Variants in GPHN observed in about 807,000 individuals in gnomAD.
GPHN encodes gephyrin.
In GPHN, 17 loss-of-function variants were observed where a neutral mutation model predicts 95.5. That is an observed-to-expected ratio of 0.18 (90% CI 0.12 to 0.27). GPHN has a LOEUF of 0.27. GPHN is among the 10% of genes least tolerant of loss of function. GPHN has a pLI of 1.00. For synonymous variants in GPHN, 320 were observed against 322.5 expected, an observed-to-expected ratio of 0.99 and a Z score of 0.08; for missense variants, 660 against 978.1, an observed-to-expected ratio of 0.67 and a Z score of 4.34.
the GPHN span, chr14:67,333,009 TAGG>T: frequency 1.3e-6 from 2 of 1,510,950 alleles, no homozygotes; most frequent in African/African-American, 1.4e-5. Context: ...AAACTGCCAA[TAGG>T]AGGACTGCCC....
chr14:67,657,307 A>T, the GPHN span: 1 of 152,184 alleles, frequency 6.6e-6, no homozygotes, highest in African/African-American at 2.4e-5. Flanking sequence ...CCTCTTGGTG[A>T]GCCCCAGAAA....
chr14:67,649,045 T>C, the GPHN span: 2 of 152,206 alleles, frequency 1.3e-5, no homozygotes, highest in Non-Finnish European at 2.9e-5. Flanking sequence ...ACTGGTCTAA[T>C]TCTCAGATCT....
At chr14:67,183,820 G>A (rs79768306), downstream of GPHN, among the ~76,000 whole-genome samples, 44 of 150,714 alleles carry the variant, frequency 2.9e-4, no homozygotes, top group African/African-American at 1.0e-3. Context: ...GGGATTACAG[G>A]CGTGAGCCAC....
the GPHN span, among the ~76,000 whole-genome samples, chr14:67,701,649 C>T: frequency 6.6e-6 from 1 of 151,994 alleles, no homozygotes; most frequent in Non-Finnish European, 1.5e-5. Flanking sequence ...GTCTCGAACT[C>T]CTGACCTTGT....
intron 15 of GPHN, among the ~76,000 whole-genome samples, chr14:67,112,174 CAGTT>C (rs2078415282): frequency 1.3e-5 from 2 of 152,180 alleles, no homozygotes; most frequent in African/African-American, 4.8e-5. Flanking sequence ...ACATATTCTA[CAGTT>C]AATTCTACTT....
At chr14:67,109,282 T>C (rs1216089529) in intron 13 of GPHN, among the ~76,000 whole-genome samples, 3 of 152,172 alleles carry the variant, frequency 2.0e-5, no homozygotes, top group African/African-American at 7.2e-5. Context: ...GGGATTAATA[T>C]TGTCTCAGGA....
chr14:67,070,556 T>C (rs1360987998), intron 11 of GPHN, among the ~76,000 whole-genome samples: 4 of 149,160 alleles, frequency 2.7e-5, no homozygotes, highest in Admixed American at 2.7e-4. Context: ...ATTAGCTGGG[T>C]GTGGTGGTGC....
At chr14:66,833,610 A>C (rs886373688) in intron 4 of GPHN, among the ~76,000 whole-genome samples, 2 of 151,816 alleles carry the variant, frequency 1.3e-5, no homozygotes, top group African/African-American at 4.8e-5. Context: ...ACATGAATAC[A>C]TTCCTCAGTA....
chr14:66,576,742 T>G (rs1471003576), intron 1 of GPHN, among the ~76,000 whole-genome samples: 1 of 152,222 alleles, frequency 6.6e-6, no homozygotes, highest in Admixed American at 6.5e-5. Context: ...TGTATTTATG[T>G]AATCAAGACT....
chr14:66,748,710 A>T (rs1010479967), intron 2 of GPHN, among the ~76,000 whole-genome samples: 1 of 151,984 alleles, frequency 6.6e-6, no homozygotes, highest in Admixed American at 6.6e-5. Flanking sequence ...GAGATATTAG[A>T]GATGGGACCC....
chr14:67,337,329 TGGTGAAACC>T, the GPHN span: 1 of 152,208 alleles, frequency 6.6e-6, no homozygotes, highest in Non-Finnish European at 1.5e-5. Context: ...CTGGCCAACA[TGGTGAAACC>T]CCATCTCCAC....
the GPHN span, among the ~76,000 whole-genome samples, chr14:67,330,778 C>T: frequency 6.6e-6 from 1 of 152,156 alleles, no homozygotes; most frequent in Non-Finnish European, 1.5e-5. Flanking sequence ...TTCTCTTTAA[C>T]ACATGAGTTA....
At chr14:67,178,562 T>C (rs529895595) in intron 21 of GPHN, among the ~76,000 whole-genome samples, 1 of 152,228 alleles carries the variant, frequency 6.6e-6, no homozygotes, top group Non-Finnish European at 1.5e-5. Context: ...TCTGGAGGAA[T>C]ATCCTTGTGG....
the GPHN span, chr14:67,557,367 A>G: frequency 6.2e-7 from 1 of 1,613,980 alleles, no homozygotes; most frequent in East Asian, 2.2e-5. Flanking sequence ...TGAAAGCCAT[A>G]AAGGGCAAAG....
intron 4 of GPHN, among the ~76,000 whole-genome samples, chr14:66,869,560 G>T (rs1312780176): frequency 3.9e-5 from 6 of 152,096 alleles, no homozygotes; most frequent in African/African-American, 1.4e-4. Flanking sequence ...CGTGGCATTT[G>T]CCAGTGCTCT....
chr14:66,672,337 T>A (rs7142841), intron 1 of GPHN, among the ~76,000 whole-genome samples: 2 of 151,992 alleles, frequency 1.3e-5, no homozygotes, highest in Non-Finnish European at 2.9e-5. Context: ...AACGTGGTCC[T>A]TTTGGTGAAT....
the GPHN span, among the ~76,000 whole-genome samples, chr14:67,658,748 A>G: frequency 6.6e-6 from 1 of 152,188 alleles, no homozygotes; most frequent in Non-Finnish European, 1.5e-5. Context: ...TCCCTTTACA[A>G]GTGATCTTCT....
chr14:66,935,078 T>C (rs2067040792), intron 8 of GPHN, among the ~76,000 whole-genome samples: 1 of 152,192 alleles, frequency 6.6e-6, no homozygotes, highest in Non-Finnish European at 1.5e-5. Context: ...TCTGTATTTA[T>C]AAAATAAATG....
the GPHN span, chr14:67,541,798 A>G: frequency 3.6e-6 from 5 of 1,403,946 alleles, no homozygotes; most frequent in Non-Finnish European, 4.8e-6. Context: ...TCACACGCTT[A>G]TTTATCTTTT....
Sources: gnomAD v4.1 joint callset for allele counts (sites outside exome capture counted in the v4.1 genomes callset) on GRCh38, gnomAD v4.1.1 for gene constraint, MANE v1.5 for transcripts, NCBI Gene and HGNC (gene_info 2026-07-23, HGNC 2026-07-21) for gene names.